KCNMA1: variants seen among roughly 807,000 people sequenced by gnomAD.
KCNMA1 encodes the protein Calcium-activated potassium channel subunit alpha-1.
A neutral mutation model predicts 140.0 loss-of-function variants in KCNMA1; 29 were observed. The ratio of observed to expected loss-of-function variants is 0.21; its 90% CI spans 0.15 to 0.28. The LOEUF (loss-of-function observed/expected upper bound fraction) is 0.28. Ranked by LOEUF, KCNMA1 falls within the 10% of genes least tolerant of loss-of-function variation. The probability of loss-of-function intolerance (pLI) is 1.00; values close to 1 mark genes in which losing one functional copy is unlikely to be tolerated. For synonymous variants in KCNMA1, 612 were observed against 611.9 expected, an observed-to-expected ratio of 1.00 and a Z score of 0.00; for missense variants, 880 against 1,602.2, an observed-to-expected ratio of 0.55 and a Z score of 7.70.
intron 2 of KCNMA1, among the ~76,000 whole-genome samples, chr10:77,288,999 G>A (rs2072131642): frequency 6.6e-6 from 1 of 152,178 alleles, no homozygotes; most frequent in Non-Finnish European, 1.5e-5. Flanking sequence ...TTGGTGCTAT[G>A]AGAAAGAATG....
intron 1 of KCNMA1, among the ~76,000 whole-genome samples, chr10:77,478,781 G>T (rs2098328965): frequency 6.6e-6 from 1 of 152,150 alleles, no homozygotes; most frequent in South Asian, 2.1e-4. Context: ...TAACCCTGCA[G>T]AAGGATTTCA....
intron 20 of KCNMA1, among the ~76,000 whole-genome samples, chr10:76,968,208 G>C (rs149161504): frequency 6.6e-6 from 1 of 152,204 alleles, no homozygotes; most frequent in African/African-American, 2.4e-5. Flanking sequence ...GTAGAAGTAT[G>C]TTACCCTGGA....
At chr10:77,035,413 G>A (rs2094255756) in intron 15 of KCNMA1, among the ~76,000 whole-genome samples, 1 of 152,186 alleles carries the variant, frequency 6.6e-6, no homozygotes, top group Non-Finnish European at 1.5e-5. Context: ...GCACTTATCA[G>A]TGGGTGTCTA....
chr10:77,455,389 C>A (rs193376), intron 1 of KCNMA1, among the ~76,000 whole-genome samples: 5 of 152,014 alleles, frequency 3.3e-5, no homozygotes, highest in Non-Finnish European at 7.4e-5. Flanking sequence ...AGCCTGGTCA[C>A]GATGATGAGT....
At chr10:77,562,256 C>T (rs1422333914) in intron 1 of KCNMA1, among the ~76,000 whole-genome samples, 1 of 152,212 alleles carries the variant, frequency 6.6e-6, no homozygotes, top group African/African-American at 2.4e-5. Flanking sequence ...CAAAGTTCCA[C>T]CAGGGACCAT....
chr10:77,489,793 G>T (rs2154539537), intron 1 of KCNMA1, among the ~76,000 whole-genome samples: 1 of 152,358 alleles, frequency 6.6e-6, no homozygotes, highest in African/African-American at 2.4e-5. Context: ...CATGGGTGAG[G>T]TTGATAATTT....
At chr10:77,468,046 C>T (rs1274783808) in intron 1 of KCNMA1, among the ~76,000 whole-genome samples, 2 of 152,034 alleles carry the variant, frequency 1.3e-5, no homozygotes, top group African/African-American at 2.4e-5. Flanking sequence ...CTCACTCTGT[C>T]GCCCAGGCTG....
At chr10:77,402,701 T>C (rs2096312954) in intron 2 of KCNMA1, among the ~76,000 whole-genome samples, 1 of 152,186 alleles carries the variant, frequency 6.6e-6, no homozygotes. Context: ...TCCCTCCATC[T>C]ACAGTCACCT....
chr10:77,258,407 T>C (rs2061267421), intron 2 of KCNMA1, among the ~76,000 whole-genome samples: 1 of 152,160 alleles, frequency 6.6e-6, no homozygotes, highest in Admixed American at 6.6e-5. Context: ...AGAAGGGCCA[T>C]GGATCAGCTT....
chr10:77,357,290 T>G (rs183316964), intron 2 of KCNMA1, among the ~76,000 whole-genome samples: 2 of 152,352 alleles, frequency 1.3e-5, no homozygotes, highest in East Asian at 3.9e-4. Flanking sequence ...TGAAGATACA[T>G]GCAGTTCCTC....
At chr10:77,163,788 T>A (rs1471345509) in intron 5 of KCNMA1, among the ~76,000 whole-genome samples, 3 of 152,192 alleles carry the variant, frequency 2.0e-5, no homozygotes, top group Non-Finnish European at 1.5e-5. Context: ...TCTTTGCTCC[T>A]TCCTTTTTCT....
intron 25 of KCNMA1, among the ~76,000 whole-genome samples, chr10:76,898,350 T>C (rs2043527980): frequency 1.3e-5 from 2 of 151,910 alleles, no homozygotes; most frequent in African/African-American, 2.4e-5. Context: ...GCAAAACTAA[T>C]TAGAATTACA....
Position 76,887,923 on chromosome 10 carries a change from T to C in KCNMA1, c.3462-408A>G, listed in dbSNP as rs1185847667. The C allele has an allele frequency of 1.5e-5, 4 of 263,526 alleles. No individual in the cohort carries two copies. The East Asian group carries it at 3.7e-4, about 24-fold the overall frequency. 16.3% of individuals were successfully genotyped at this position (263,526 alleles called of 1,614,324 possible). On this transcript the variant is annotated intron_variant, in intron 27 of 27. Coordinates refer to ENST00000286628, the MANE Select transcript of KCNMA1 (RefSeq NM_001161352.2). ...TACATCACAAGATCTTTGTTTACCATGACAGAGTGTCTCCTTAGACTATTC... is the reference window on the plus strand; with the variant it reads ...TACATCACAAGATCTTTGTTTACCACGACAGAGTGTCTCCTTAGACTATTC...
intron 25 of KCNMA1, among the ~76,000 whole-genome samples, chr10:76,907,412 T>C (rs2048241271): frequency 6.6e-6 from 1 of 152,216 alleles, no homozygotes; most frequent in South Asian, 2.1e-4. Flanking sequence ...CCCCTTTGGC[T>C]GTGTTGAAAA....
rs1401365406 is a variant in KCNMA1 at position 77,311,722 on chromosome 10, G to A, written c.541-60466C>T. On this transcript the variant is annotated intron_variant, in intron 2 of 27. Coordinates refer to ENST00000286628, the MANE Select transcript of KCNMA1 (RefSeq NM_001161352.2). ...GATTTGTCTAACCTGGCCAGTGATT[G>A]GGAATGGGTTCACCTCTTCTTGCAG... is the stretch of plus-strand genomic sequence containing the variant. Among the ~76,000 whole-genome samples the A allele has an allele frequency of 3.9e-5, 6 of 152,314 alleles. No homozygotes were observed. The East Asian group carries it at 1.2e-3, about 29-fold the overall frequency.
At chr10:76,986,589 G>A (rs185837985) in intron 19 of KCNMA1, among the ~76,000 whole-genome samples, 111 of 152,300 alleles carry the variant, frequency 7.3e-4, no homozygotes, top group African/African-American at 2.6e-3. Context: ...GTCAAGATTC[G>A]AGTTGGGGGC....
At chr10:76,925,698 A>T (rs1250017265) in intron 23 of KCNMA1, among the ~76,000 whole-genome samples, 1 of 152,182 alleles carries the variant, frequency 6.6e-6, no homozygotes, top group Non-Finnish European at 1.5e-5. Flanking sequence ...ATGTAGTTCA[A>T]ATGTCCTTTT....
chr10:77,294,717 G>A (rs1198180210), intron 2 of KCNMA1, among the ~76,000 whole-genome samples: 2 of 151,942 alleles, frequency 1.3e-5, no homozygotes, highest in Non-Finnish European at 2.9e-5. Flanking sequence ...TCAGGAGTTC[G>A]AGGCCAGGCT....
At chr10:77,531,138 G>T (rs926542006) in intron 1 of KCNMA1, among the ~76,000 whole-genome samples, 3 of 152,116 alleles carry the variant, frequency 2.0e-5, no homozygotes, top group Admixed American at 6.5e-5. Context: ...AAAGCACCAC[G>T]CGGGGCTTCA....
Sources: allele counts gnomAD v4.1 joint callset (sites outside exome capture counted in the v4.1 genomes callset), GRCh38; gene constraint gnomAD v4.1.1; transcripts MANE v1.5; gene names NCBI Gene and HGNC (gene_info 2026-07-23, HGNC 2026-07-21).